The following RAPGEF6 variants were observed in gnomAD, a reference collection of about 807,000 sequenced individuals.
RAPGEF6 encodes PDZ domain containing guanine nucleotide exchange factor (GEF) 2.
Under a neutral mutation model 171.4 loss-of-function variants are expected in RAPGEF6, and 56 were observed. That is an observed-to-expected ratio of 0.33 (90% CI 0.26 to 0.41). The LOEUF is 0.41. Ranked by LOEUF, RAPGEF6 falls within the 10% of genes least tolerant of loss-of-function variation. The pLI is 1.00. For missense variants in RAPGEF6, 1,674 were observed against 1,921.4 expected, an observed-to-expected ratio of 0.87 and a Z score of 2.41; for synonymous variants, 692 against 650.1, an observed-to-expected ratio of 1.06 and a Z score of -0.98.
intron 4 of RAPGEF6, among the ~76,000 whole-genome samples, chr5:131,580,670 C>T (rs769846894): frequency 3.9e-5 from 6 of 152,234 alleles, no homozygotes; most frequent in African/African-American, 1.4e-4. Flanking sequence ...TACGCAGTTG[C>T]AACATCAGTT....
At chr5:131,476,898 C>T (rs1755135715) in intron 16 of RAPGEF6, among the ~76,000 whole-genome samples, 1 of 152,136 alleles carries the variant, frequency 6.6e-6, no homozygotes, top group Admixed American at 6.5e-5. Context: ...CCAGTCTAAA[C>T]TTTTATAAAC....
intron 1 of RAPGEF6, among the ~76,000 whole-genome samples, chr5:131,612,021 C>A (rs894648178): frequency 6.6e-6 from 1 of 152,006 alleles, no homozygotes; most frequent in East Asian, 1.9e-4. Context: ...TCAGTGGACA[C>A]TGAATTATGT....
At chr5:131,549,345 T>C (rs984136941) in intron 5 of RAPGEF6, among the ~76,000 whole-genome samples, 2 of 152,158 alleles carry the variant, frequency 1.3e-5, no homozygotes, top group African/African-American at 4.8e-5. Context: ...AAAAATTTCC[T>C]AGGCACCCAC....
chr5:131,528,082 T>TA (rs1561537640), intron 6 of RAPGEF6, among the ~76,000 whole-genome samples: 2 of 64,218 alleles, frequency 3.1e-5, no homozygotes, highest in Non-Finnish European at 7.6e-5. Context: ...ATAATTTATA[T>TA]TATATGTAAT....
At chr5:131,591,850 C>A (rs1763609929) in intron 4 of RAPGEF6, among the ~76,000 whole-genome samples, 1 of 152,052 alleles carries the variant, frequency 6.6e-6, no homozygotes, top group African/African-American at 2.4e-5. Flanking sequence ...TCAAATCGTA[C>A]ATAAAACTAA....
intron 1 of RAPGEF6, among the ~76,000 whole-genome samples, chr5:131,620,455 T>C (rs1266472783): frequency 2.0e-5 from 3 of 152,252 alleles, no homozygotes; most frequent in Non-Finnish European, 4.4e-5. Context: ...CTCAGGTTCA[T>C]TGGCTCTGGC....
chr5:131,521,600 T>C, intron 6 of RAPGEF6, 79 bp from the exon 7 acceptor site: 1 of 1,319,966 alleles, frequency 7.6e-7, no homozygotes, highest in South Asian at 1.5e-5. Flanking sequence ...TCAACAAATT[T>C]TTATGTACAT....
At chr5:131,533,169 T>TACACACACAAAC (rs1759514149) in intron 6 of RAPGEF6, 3 of 136,858 alleles carry the variant, frequency 2.2e-5, no homozygotes, top group Admixed American at 7.4e-5. Context: ...ATTGAAAACA[T>TACACACACAAAC]ACACACACAC....
chr5:131,495,211 C>T (rs1179648747), intron 13 of RAPGEF6, among the ~76,000 whole-genome samples: 1 of 151,746 alleles, frequency 6.6e-6, no homozygotes, highest in Non-Finnish European at 1.5e-5. Context: ...GAGAGAATTG[C>T]TTGAACCTGG....
At chr5:131,601,106 G>A (rs1421771500) in intron 3 of RAPGEF6, among the ~76,000 whole-genome samples, 1 of 149,282 alleles carries the variant, frequency 6.7e-6, no homozygotes, top group Non-Finnish European at 1.5e-5. Flanking sequence ...AAAGAAGGCT[G>A]GGAGCGGTGG....
chr5:131,572,661 A>G (rs148554133), intron 4 of RAPGEF6, among the ~76,000 whole-genome samples: 1 of 152,250 alleles, frequency 6.6e-6, no homozygotes, highest in Non-Finnish European at 1.5e-5. Context: ...GAAGCCTGGT[A>G]GCTGCCCATC....
Position 131,463,698 on chromosome 5 carries a change from G to A in RAPGEF6, c.2480+343C>T, listed in dbSNP as rs909199564. ...AAATTTTCCTGCATATTCATTAAAGGAAAACTACTTAGAAAAAGAACTGTG... is the reference window on the plus strand; with the variant it reads ...AAATTTTCCTGCATATTCATTAAAGAAAAACTACTTAGAAAAAGAACTGTG... On this transcript the variant is annotated intron_variant, in intron 18 of 27. Coordinates refer to ENST00000509018, the MANE Select transcript of RAPGEF6 (RefSeq NM_016340.6). The A allele has an allele frequency of 1.4e-5, 13 of 942,984 alleles. No individual in the cohort carries two copies. The African/African-American group carries it at 2.1e-4, about 15-fold the overall frequency. The allele number at this position is 942,984 out of a possible 1,614,324, so 58.4% of individuals were successfully genotyped here.
At chr5:131,551,283 G>A (rs541836145) in intron 5 of RAPGEF6, among the ~76,000 whole-genome samples, 1 of 152,260 alleles carries the variant, frequency 6.6e-6, no homozygotes, top group Non-Finnish European at 1.5e-5. Context: ...GGAGGCTGAG[G>A]CGGGTGAATC....
rs78966360 is a variant in RAPGEF6 at position 131,444,312 on chromosome 5, T to C, written c.3422-1775A>G. Reference sequence around the variant, plus strand: ...TAATTGAATCCAAGAGGTTATCATCTTTGGTTAGAGCCATGAAATACTTTC... The same window carrying C: ...TAATTGAATCCAAGAGGTTATCATCCTTGGTTAGAGCCATGAAATACTTTC... On this transcript the variant is annotated intron_variant, in intron 22 of 27. Transcript: ENST00000509018. Among the ~76,000 whole-genome samples, 17 of 152,328 alleles carry C rather than the reference T, an allele frequency of 1.1e-4. No individual in the cohort carries two copies. In the East Asian group the frequency reaches 3.3e-3, roughly 29 times the overall value.
At chr5:131,513,185 A>T (rs1757854376) in intron 7 of RAPGEF6, among the ~76,000 whole-genome samples, 1 of 152,220 alleles carries the variant, frequency 6.6e-6, no homozygotes, top group African/African-American at 2.4e-5. Flanking sequence ...AGTAGTTTTA[A>T]ATTTAAATAT....
chr5:131,576,664 C>T (rs962094699), intron 4 of RAPGEF6, among the ~76,000 whole-genome samples: 1 of 152,170 alleles, frequency 6.6e-6, no homozygotes, highest in Non-Finnish European at 1.5e-5. Flanking sequence ...TCCCTCACGA[C>T]CAGTTTTTTT....
intron 2 of RAPGEF6, 32 bp downstream of exon 2, chr5:131,604,591 G>C (rs1215992357): frequency 1.2e-6 from 2 of 1,602,378 alleles, no homozygotes; most frequent in Non-Finnish European, 8.5e-7. Context: ...TGGCTATACA[G>C]CGTGTGCTCT....
chr5:131,540,573 A>G (rs994756651), intron 6 of RAPGEF6, among the ~76,000 whole-genome samples: 9 of 152,210 alleles, frequency 5.9e-5, no homozygotes, highest in South Asian at 2.1e-4. Flanking sequence ...CAAAAGCAAC[A>G]ACGACAAAAA....
At chr5:131,495,033 G>A (rs1465144079) in intron 13 of RAPGEF6, among the ~76,000 whole-genome samples, 1 of 152,096 alleles carries the variant, frequency 6.6e-6, no homozygotes, top group South Asian at 2.1e-4. Context: ...TGGCTCAGAC[G>A]CCTGTAATCT....
Sources: gnomAD v4.1 joint callset for allele counts (sites outside exome capture counted in the v4.1 genomes callset) on GRCh38, gnomAD v4.1.1 for gene constraint, MANE v1.5 for transcripts, NCBI Gene and HGNC (gene_info 2026-07-23, HGNC 2026-07-21) for gene names.